Variants in FREM1 observed in about 807,000 individuals in gnomAD.
FREM1 encodes the protein FRAS1 related extracellular matrix 1.
FREM1 carries 220 observed loss-of-function variants against 210.1 expected under a neutral mutation model. The observed-to-expected ratio is 1.05, with a 90% CI of 0.94 to 1.17. The LOEUF is 1.17. Ranked by LOEUF, FREM1 falls within the 50% of genes most tolerant of loss-of-function variation. The pLI is 0.00. For missense variants in FREM1, 3,454 were observed against 2,675.5 expected (o/e 1.29, Z -6.42); for synonymous variants, 1,189 against 980.2 (o/e 1.21, Z -3.98).
intron 27 of FREM1, among the ~76,000 whole-genome samples, chr9:14,762,460 T>C (rs1845672815): frequency 6.6e-6 from 1 of 152,200 alleles, no homozygotes; most frequent in Non-Finnish European, 1.5e-5. Context: ...CTGATCTAAA[T>C]TCAGAAGGGA....
At chr9:14,852,868 A>G (rs1828030277) in intron 5 of FREM1, among the ~76,000 whole-genome samples, 1 of 152,364 alleles carries the variant, frequency 6.6e-6, no homozygotes, top group Admixed American at 6.5e-5. Context: ...AGTTCCAATA[A>G]AAGAGATTAG....
chr9:14,792,722 TA>T lies in FREM1; in HGVS notation c.3981+20del, dbSNP rs1434768998. The stretch of plus-strand genomic sequence containing the variant: ...TACCTGCTACGTTAGTTTTGAAAAA[TA>T]AAAGTAAGAAGTCACTAACCTTAAG... On this transcript the variant is annotated intron_variant, in intron 22 of 36. Transcript: ENST00000380880. 3 of 1,559,602 alleles carry T rather than the reference TA, an allele frequency of 1.9e-6. No homozygotes were observed. In the African/African-American group the frequency reaches 4.1e-5, roughly 21 times the overall value.
chr9:14,825,488 C>CA (rs137921355), intron 10 of FREM1, among the ~76,000 whole-genome samples: 81 of 68,780 alleles, frequency 1.2e-3, no homozygotes, highest in Admixed American at 2.4e-3. Context: ...GACTCCATTT[C>CA]AAAAAAAAAA....
chr9:14,762,249 G>C (rs4741428), intron 27 of FREM1, among the ~76,000 whole-genome samples: 17,893 of 152,198 alleles, frequency 0.12, 1,175 homozygotes, highest in Non-Finnish European at 0.14. Flanking sequence ...GAAATGGGAA[G>C]GAAAGGAGGA....
rs1829026089 is a variant in FREM1 at position 14,857,623 on chromosome 9, G to T, written c.758C>A (p.Pro253His). 6.2e-7 allele frequency: 1 copy of T among 1,613,742 alleles called. No individual in the cohort carries two copies. Among genetic ancestry groups the T allele is most frequent in the African/African-American group, 1.3e-5 (1 of 74,890 alleles). Reference protein sequence around the residue: ...MGLRYQHLDPPSPNIDYISIQ... With the variant: ...MGLRYQHLDPHSPNIDYISIQ... The stretch of plus-strand genomic sequence containing the variant: ...GGAGATATAATCAATGTTGGGTGAA[G>T]GGGGATCCAGATGCTGATAACGAAG... The change falls in exon 5 of 37, where the codon CCT becomes CAT. Residue 253 changes from proline (P) to histidine (H), a missense_variant. Transcript: ENST00000380880.
At chr9:14,867,481 A>G (rs1442234167) in intron 2 of FREM1, among the ~76,000 whole-genome samples, 1 of 152,206 alleles carries the variant, frequency 6.6e-6, no homozygotes, top group Non-Finnish European at 1.5e-5. Flanking sequence ...ACAAGCAACT[A>G]GGCAGAGACA....
intron 19 of FREM1, among the ~76,000 whole-genome samples, chr9:14,803,926 TA>T: frequency 6.6e-6 from 1 of 152,184 alleles, no homozygotes; most frequent in Non-Finnish European, 1.5e-5. Flanking sequence ...TAAAGCAACT[TA>T]AAATATGTTA....
chr9:14,867,216 G>C (rs920145251), intron 2 of FREM1, among the ~76,000 whole-genome samples: 1 of 152,102 alleles, frequency 6.6e-6, no homozygotes, highest in Non-Finnish European at 1.5e-5. Context: ...CCACTCCTGA[G>C]CTTATTTGTA....
At chr9:14,883,995 C>T (rs1835300341) in intron 1 of FREM1, among the ~76,000 whole-genome samples, 1 of 152,112 alleles carries the variant, frequency 6.6e-6, no homozygotes, top group Non-Finnish European at 1.5e-5. Context: ...TTGGGAGGCC[C>T]AGGCAGGCGG....
At chr9:14,819,492 T>G in intron 13 of FREM1, 50 bp from the exon 14 acceptor site, 1 of 1,148,290 alleles carries the variant, frequency 8.7e-7, no homozygotes, top group Non-Finnish European at 1.3e-6. Flanking sequence ...CCATGACCCC[T>G]GAAGACAGAG....
At chr9:14,843,297 C>T (rs564550399) in intron 8 of FREM1, among the ~76,000 whole-genome samples, 83 of 152,174 alleles carry the variant, frequency 5.5e-4, no homozygotes, top group Non-Finnish European at 1.0e-3. Context: ...CCACTCACCC[C>T]TCTCCACTCC....
intron 10 of FREM1, among the ~76,000 whole-genome samples, chr9:14,837,201 C>T (rs536132352): frequency 2.1e-4 from 32 of 152,266 alleles, no homozygotes; most frequent in African/African-American, 7.2e-4. Flanking sequence ...CCAGCTTTTT[C>T]GCGGGCTACA....
At chr9:14,792,911 A>C (rs1166447552) in intron 21 of FREM1, 27 bp from the exon 22 acceptor site, 1 of 1,496,622 alleles carries the variant, frequency 6.7e-7, no homozygotes, top group Non-Finnish European at 9.0e-7. Context: ...GTCTGGGTTG[A>C]TATAAAAATA....
intron 29 of FREM1, among the ~76,000 whole-genome samples, chr9:14,755,272 C>T (rs968601234): frequency 6.6e-6 from 1 of 152,208 alleles, no homozygotes; most frequent in Non-Finnish European, 1.5e-5. Context: ...AGAGCCATTT[C>T]TTTTCTGTGT....
Position 14,816,890 on chromosome 9 carries a change from T to C in FREM1, c.2547-19A>G, listed in dbSNP as rs1235691957. 5.9e-6 allele frequency: 6 copies of C among 1,018,806 alleles called. No individual in the cohort carries two copies. The highest frequency in any genetic ancestry group is 8.4e-6 in the Non-Finnish European group (6 of 716,374). 63.1% of individuals were successfully genotyped at this position (1,018,806 alleles called of 1,614,324 possible). A position where few individuals can be genotyped will look rare whatever the true frequency, so the allele number is the denominator to read the frequency against. ...TTGATACCTGTGGGGATAATATTTG[T>C]CACCAACCTCTTAGGAACAGTGTGA... On this transcript the variant is annotated intron_variant, in intron 14 of 36. Transcript: ENST00000380880.
chr9:14,776,712 T>A (rs1187214544), intron 24 of FREM1, among the ~76,000 whole-genome samples: 2 of 152,240 alleles, frequency 1.3e-5, no homozygotes, highest in Non-Finnish European at 2.9e-5. Flanking sequence ...CATACGTTTT[T>A]ATGGTAAATT....
At chr9:14,778,519 G>C (rs893370779) in intron 24 of FREM1, among the ~76,000 whole-genome samples, 3 of 145,346 alleles carry the variant, frequency 2.1e-5, no homozygotes, top group Middle Eastern at 3.2e-3. Context: ...GAGGTGGAAG[G>C]ATCACTTGAT....
At chr9:14,894,633 C>T (rs1308273306) in intron 1 of FREM1, among the ~76,000 whole-genome samples, 3 of 152,230 alleles carry the variant, frequency 2.0e-5, no homozygotes, top group Non-Finnish European at 4.4e-5. Context: ...TAAAACGGTG[C>T]TAATCCTTTG....
intron 25 of FREM1, among the ~76,000 whole-genome samples, chr9:14,772,327 C>A (rs1057358550): frequency 2.0e-5 from 3 of 152,086 alleles, no homozygotes; most frequent in African/African-American, 7.2e-5. Flanking sequence ...TATAAACCAT[C>A]TCGACCTGAG....
Sources: allele counts gnomAD v4.1 joint callset (sites outside exome capture counted in the v4.1 genomes callset), GRCh38; gene constraint gnomAD v4.1.1; transcripts MANE v1.5; gene names NCBI Gene and HGNC (gene_info 2026-07-23, HGNC 2026-07-21).